The following EHBP1 variants were observed in gnomAD, a reference collection of about 807,000 sequenced individuals.
EHBP1 encodes the protein EH domain-binding protein 1.
EHBP1 carries 55 observed loss-of-function variants against 144.0 expected under a neutral mutation model. That is an observed-to-expected ratio of 0.38 (90% CI 0.31 to 0.48). EHBP1 has a LOEUF of 0.48. Ranked by LOEUF, EHBP1 falls within the 20% of genes least tolerant of loss-of-function variation. The pLI, the probability that EHBP1 is intolerant of heterozygous loss-of-function variation, is 0.98. For synonymous variants in EHBP1, 469 were observed against 472.7 expected, an observed-to-expected ratio of 0.99 and a Z score of 0.10; for missense variants, 1,200 against 1,364.2, an observed-to-expected ratio of 0.88 and a Z score of 1.90.
At chr2:63,011,124 C>T (rs2060247434) in intron 19 of EHBP1, among the ~76,000 whole-genome samples, 1 of 147,608 alleles carries the variant, frequency 6.8e-6, no homozygotes, top group Admixed American at 6.8e-5. Flanking sequence ...TTGTTTTCTG[C>T]CGGGTGGCCT....
At chr2:62,812,755 C>T (rs577577217) in intron 5 of EHBP1, among the ~76,000 whole-genome samples, 1 of 152,136 alleles carries the variant, frequency 6.6e-6, no homozygotes, top group East Asian at 1.9e-4. Context: ...GCAAAATATT[C>T]GAGGAGATGC....
At chr2:62,988,645 T>G (rs1331796173) in intron 15 of EHBP1, among the ~76,000 whole-genome samples, 1 of 152,194 alleles carries the variant, frequency 6.6e-6, no homozygotes, top group Non-Finnish European at 1.5e-5. Flanking sequence ...AGATATTTGC[T>G]GGTGGTTTTT....
intron 19 of EHBP1, among the ~76,000 whole-genome samples, chr2:63,004,717 A>G (rs1175195951): frequency 6.6e-6 from 1 of 152,010 alleles, no homozygotes; most frequent in Non-Finnish European, 1.5e-5. Flanking sequence ...TACTTTTCTT[A>G]TATTTTCCAA....
At chr2:62,677,757 C>A (rs1170524351) in intron 1 of EHBP1, among the ~76,000 whole-genome samples, 1 of 152,116 alleles carries the variant, frequency 6.6e-6, no homozygotes, top group Non-Finnish European at 1.5e-5. Flanking sequence ...CTGTTCCTGG[C>A]TTATTTCATT....
intron 7 of EHBP1, chr2:62,858,312 C>A: frequency 2.7e-6 from 2 of 730,648 alleles, no homozygotes; most frequent in Non-Finnish European, 4.6e-6. Context: ...AACCAAACAT[C>A]TCCTCTTTGT....
chr2:62,954,220 C>T (rs2057562662), intron 13 of EHBP1, among the ~76,000 whole-genome samples: 1 of 152,098 alleles, frequency 6.6e-6, no homozygotes, highest in Admixed American at 6.5e-5. Context: ...TTTAACTGAC[C>T]TGCTCAATGT....
At chr2:62,799,003 CAA>C (rs757731955) in intron 5 of EHBP1, among the ~76,000 whole-genome samples, 5 of 76,776 alleles carry the variant, frequency 6.5e-5, no homozygotes, top group Admixed American at 3.1e-4. Context: ...GACTCCGTCT[CAA>C]AAAAAAAAAA....
In EHBP1 at chr2:62,975,558, A is replaced by AT. The variant is rs763652342; in HGVS notation, c.2461-3622dup. On this transcript the variant is annotated intron_variant, in intron 14 of 22. Transcript: ENST00000431489. Reference sequence around the variant, plus strand: ...ATCATTCATTATGATTTGCAAAGTGATTTTTTTTATAATTCTACCTTTTAG... The same window carrying AT: ...ATCATTCATTATGATTTGCAAAGTGATTTTTTTTTATAATTCTACCTTTTAG... Among the ~76,000 whole-genome samples, 133 of 151,882 alleles carry AT rather than the reference A, an allele frequency of 8.8e-4. No individual in the cohort carries two copies. In the Middle Eastern group the frequency reaches 0.01, roughly 12 times the overall value.
chr2:62,691,022 G>A (rs1410985375), intron 1 of EHBP1, among the ~76,000 whole-genome samples: 3 of 152,174 alleles, frequency 2.0e-5, no homozygotes, highest in African/African-American at 7.2e-5. Flanking sequence ...GTGCCCTCAG[G>A]TTAACTTAGA....
At chr2:62,722,872 C>T (rs1399062787) in intron 2 of EHBP1, among the ~76,000 whole-genome samples, 2 of 152,114 alleles carry the variant, frequency 1.3e-5, no homozygotes, top group African/African-American at 2.4e-5. Context: ...TTCAAGAGAG[C>T]TGTTGTTATG....
chr2:62,987,587 A>G (rs2059249602), intron 15 of EHBP1, among the ~76,000 whole-genome samples: 1 of 152,158 alleles, frequency 6.6e-6, no homozygotes, highest in Non-Finnish European at 1.5e-5. Flanking sequence ...TTTGTCACCA[A>G]ACTAACTTTA....
chr2:62,942,642 T>C lies in EHBP1; in HGVS notation c.1186-76T>C, dbSNP rs1013534795. ...CTGACATCAAAGGGTTCAAATGATC[T>C]GATTAGGTCAATTAATGTTAATTTT... On this transcript the variant is annotated intron_variant, in intron 10 of 22. Coordinates refer to ENST00000431489, the MANE Select transcript of EHBP1 (RefSeq NM_001142616.3). 2.3e-6 allele frequency: 3 copies of C among 1,305,396 alleles called. No homozygotes were observed. In the African/African-American group the frequency reaches 4.5e-5, roughly 19 times the overall value. The allele number at this position is 1,305,396 out of a possible 1,614,324, so 80.9% of individuals were successfully genotyped here. A position where few individuals can be genotyped will look rare whatever the true frequency, so the allele number is the denominator to read the frequency against.
chr2:62,729,324 A>G (rs1648961956), intron 2 of EHBP1, among the ~76,000 whole-genome samples: 1 of 129,356 alleles, frequency 7.7e-6, no homozygotes, highest in Non-Finnish European at 1.6e-5. Context: ...AATATTTATA[A>G]TATAATATAA....
chr2:63,035,993 G>T (rs942332423), intron 19 of EHBP1, among the ~76,000 whole-genome samples: 1 of 151,834 alleles, frequency 6.6e-6, no homozygotes, highest in Non-Finnish European at 1.5e-5. Context: ...GTCCTAAGTC[G>T]GCTTCGTACC....
chr2:62,752,699 C>G (rs905395933), intron 3 of EHBP1, among the ~76,000 whole-genome samples: 3 of 152,116 alleles, frequency 2.0e-5, no homozygotes, highest in African/African-American at 7.2e-5. Flanking sequence ...ATAGTTAGCT[C>G]TTCTTGTTGA....
chr2:62,702,707 G>A (rs1305977262), upstream of EHBP1, among the ~76,000 whole-genome samples: 2 of 152,192 alleles, frequency 1.3e-5, no homozygotes, highest in South Asian at 2.1e-4. Flanking sequence ...TTGAGGTAGC[G>A]ATGTTTGGCA....
chr2:62,724,641 G>GTT (rs764331617), intron 2 of EHBP1, among the ~76,000 whole-genome samples: 4 of 145,534 alleles, frequency 2.7e-5, no homozygotes, highest in Non-Finnish European at 3.0e-5. Flanking sequence ...CCTTTGGATA[G>GTT]TTTTTTTTTT....
chr2:62,841,949 T>C (rs1487045657), intron 7 of EHBP1, among the ~76,000 whole-genome samples: 1 of 152,102 alleles, frequency 6.6e-6, no homozygotes, highest in Non-Finnish European at 1.5e-5. Context: ...TTTTGGAAGA[T>C]GGGAAGTCCA....
intron 1 of EHBP1, among the ~76,000 whole-genome samples, chr2:62,677,142 G>A (rs996583504): frequency 2.0e-5 from 3 of 152,188 alleles, no homozygotes; most frequent in African/African-American, 7.2e-5. Context: ...GCTACACTGA[G>A]CTGTGATTGT....
Sources: gnomAD v4.1 joint callset for allele counts (sites outside exome capture counted in the v4.1 genomes callset) on GRCh38, gnomAD v4.1.1 for gene constraint, MANE v1.5 for transcripts, NCBI Gene and HGNC (gene_info 2026-07-23, HGNC 2026-07-21) for gene names.